Variants in SLCO3A1 observed in about 807,000 individuals in gnomAD.
The protein encoded by SLCO3A1 is solute carrier organic anion transporter family member 3A1.
In SLCO3A1, 27 loss-of-function variants were observed where a neutral mutation model predicts 63.1. That is an observed-to-expected ratio of 0.43 (90% confidence interval 0.32 to 0.59). The LOEUF (loss-of-function observed/expected upper bound fraction) is 0.59. Ranked by LOEUF, SLCO3A1 falls within the 20% of genes least tolerant of loss-of-function variation. The probability of loss-of-function intolerance (pLI) is 0.09; values close to 1 mark genes in which losing one functional copy is unlikely to be tolerated. For missense variants in SLCO3A1, 773 were observed against 945.8 expected, an observed-to-expected ratio of 0.82 and a Z score of 2.40; for synonymous variants, 473 against 409.9, an observed-to-expected ratio of 1.15 and a Z score of -1.86.
At chr15:91,991,929 A>G (rs916152656) in intron 2 of SLCO3A1, among the ~76,000 whole-genome samples, 2 of 152,250 alleles carry the variant, frequency 1.3e-5, no homozygotes, top group African/African-American at 4.8e-5. Flanking sequence ...TAAATCTGAG[A>G]ATGGTGAGTC....
At chr15:91,989,879 T>C (rs1472216447) in intron 2 of SLCO3A1, among the ~76,000 whole-genome samples, 1 of 152,196 alleles carries the variant, frequency 6.6e-6, no homozygotes, top group Non-Finnish European at 1.5e-5. Flanking sequence ...TCTAACATAA[T>C]CACTTGGGGA....
chr15:91,907,791 G>T (rs555754348), intron 1 of SLCO3A1, among the ~76,000 whole-genome samples: 1 of 152,314 alleles, frequency 6.6e-6, no homozygotes, highest in East Asian at 1.9e-4. Flanking sequence ...CTCCCAAAGT[G>T]CTGGGATTAC....
At chr15:91,921,791 G>A (rs1271644258) in intron 2 of SLCO3A1, among the ~76,000 whole-genome samples, 2 of 151,226 alleles carry the variant, frequency 1.3e-5, no homozygotes, top group African/African-American at 4.9e-5. Context: ...GCACAGTGGC[G>A]CCATCTTGGC....
chr15:92,094,328 T>C (rs1230643647), intron 2 of SLCO3A1, among the ~76,000 whole-genome samples: 1 of 152,186 alleles, frequency 6.6e-6, no homozygotes, highest in Non-Finnish European at 1.5e-5. Flanking sequence ...TTAATAAATG[T>C]GTAATTAAAT....
intron 4 of SLCO3A1, among the ~76,000 whole-genome samples, chr15:92,105,643 G>C (rs560867879): frequency 1.3e-5 from 2 of 152,268 alleles, no homozygotes; most frequent in East Asian, 1.9e-4. Context: ...TATGTGTGAG[G>C]TTCCTTAATG....
chr15:92,035,196 G>A (rs1300593761), intron 2 of SLCO3A1, among the ~76,000 whole-genome samples: 2 of 151,804 alleles, frequency 1.3e-5, no homozygotes, highest in Admixed American at 1.3e-4. Flanking sequence ...GGCCTCATGA[G>A]TTCTCTGGAG....
intron 2 of SLCO3A1, among the ~76,000 whole-genome samples, chr15:92,009,199 T>C (rs2046344077): frequency 6.6e-6 from 1 of 152,214 alleles, no homozygotes; most frequent in Non-Finnish European, 1.5e-5. Flanking sequence ...TTGGGAAGTC[T>C]GCAAACCTCT....
At chr15:91,971,145 T>C (rs7178734) in intron 2 of SLCO3A1, among the ~76,000 whole-genome samples, 58,632 of 151,730 alleles carry the variant, frequency 0.39, 11,478 homozygotes, top group Non-Finnish European at 0.42. Context: ...CCTGTAATCT[T>C]AGCACTTCGG....
chr15:92,078,330 C>T (rs1008673132), intron 2 of SLCO3A1, among the ~76,000 whole-genome samples: 7 of 152,196 alleles, frequency 4.6e-5, no homozygotes, highest in South Asian at 2.1e-4. Context: ...CAAGGTTTTC[C>T]GAGCCTCAGG....
At chr15:92,113,097 G>A (rs2047749247) in intron 4 of SLCO3A1, among the ~76,000 whole-genome samples, 1 of 152,168 alleles carries the variant, frequency 6.6e-6, no homozygotes, top group Non-Finnish European at 1.5e-5. Flanking sequence ...CCTCTGACCT[G>A]GAAAGACACC....
chr15:92,115,612 G>C (rs1160924835), intron 4 of SLCO3A1, among the ~76,000 whole-genome samples: 1 of 151,930 alleles, frequency 6.6e-6, no homozygotes, highest in African/African-American at 2.4e-5. Context: ...CTGTGCTCCA[G>C]TCACTTCCAC....
At position 92,104,500 on chromosome 15, in the gene SLCO3A1, C is replaced by T. The variant is rs1259277716; in HGVS notation, c.967C>T (p.Leu323=). 1 of 1,614,010 alleles carries T rather than the reference C, an allele frequency of 6.2e-7. No homozygotes were observed. The highest frequency in any genetic ancestry group is 2.2e-5 in the East Asian group (1 of 44,858). The part of the protein sequence containing the change: ...KPSNGVLRHP[L]EPDSSASCFQ... Reference sequence around the variant, plus strand: ...CAGCAACGGGGTCCTGAGGCACCCCCTGGAGCCAGACAGCAGTGCCTCCTG... The same window carrying T: ...CAGCAACGGGGTCCTGAGGCACCCCTTGGAGCCAGACAGCAGTGCCTCCTG... Residue 323 remains leucine, a synonymous_variant, in exon 4 of 10, where the codon CTG becomes TTG. Transcript: ENST00000318445.
chr15:91,984,371 C>G (rs550816943), intron 2 of SLCO3A1, among the ~76,000 whole-genome samples: 10 of 152,256 alleles, frequency 6.6e-5, no homozygotes, highest in African/African-American at 2.4e-4. Flanking sequence ...TCTTTCTTAT[C>G]GGAGATTTAC....
intron 3 of SLCO3A1, among the ~76,000 whole-genome samples, chr15:92,099,308 T>C (rs1312958274): frequency 6.6e-6 from 1 of 152,244 alleles, no homozygotes; most frequent in African/African-American, 2.4e-5. Context: ...CGATTCTAGA[T>C]GTTCAATGCC....
At chr15:92,140,487 A>G (rs1359351579) in intron 7 of SLCO3A1, among the ~76,000 whole-genome samples, 3 of 151,810 alleles carry the variant, frequency 2.0e-5, no homozygotes, top group South Asian at 2.1e-4. Flanking sequence ...GTAGATGTCT[A>G]TTAGGTCCGC....
intron 2 of SLCO3A1, among the ~76,000 whole-genome samples, chr15:92,015,762 C>T (rs1476413035): frequency 1.3e-5 from 2 of 152,132 alleles, no homozygotes; most frequent in Non-Finnish European, 2.9e-5. Context: ...AAGACTGGTC[C>T]AGTCCCTGCT....
intron 2 of SLCO3A1, among the ~76,000 whole-genome samples, chr15:91,991,769 A>G (rs1188240486): frequency 6.6e-6 from 1 of 152,272 alleles, no homozygotes; most frequent in African/African-American, 2.4e-5. Context: ...GACTAGCCGC[A>G]TATGACTAGT....
At chr15:92,067,560 T>A (rs1299760426) in intron 2 of SLCO3A1, among the ~76,000 whole-genome samples, 1 of 152,300 alleles carries the variant, frequency 6.6e-6, no homozygotes, top group East Asian at 1.9e-4. Context: ...ATGCATGATA[T>A]AGTAAAGCCA....
chr15:92,069,445 G>T (rs2047190616), intron 2 of SLCO3A1, among the ~76,000 whole-genome samples: 2 of 152,238 alleles, frequency 1.3e-5, no homozygotes, highest in South Asian at 4.1e-4. Flanking sequence ...CCTTCATGCA[G>T]TGACCTGCTT....
Sources: allele counts gnomAD v4.1 joint callset (sites outside exome capture counted in the v4.1 genomes callset), GRCh38; gene constraint gnomAD v4.1.1; transcripts MANE v1.5; gene names NCBI Gene and HGNC (gene_info 2026-07-23, HGNC 2026-07-21).